The following RASGRF1 variants were observed in gnomAD, a reference collection of about 807,000 sequenced individuals.
RASGRF1 encodes Ras protein specific guanine nucleotide releasing factor 1.
RASGRF1 carries 40 observed loss-of-function variants against 138.7 expected under a neutral mutation model. That is an observed-to-expected ratio of 0.29 (90% CI 0.22 to 0.38). RASGRF1 has a LOEUF of 0.38. RASGRF1 is among the 10% of genes least tolerant of loss of function. RASGRF1 has a pLI of 1.00. For missense variants in RASGRF1, 1,108 were observed against 1,650.4 expected, an observed-to-expected ratio of 0.67 and a Z score of 5.69; for synonymous variants, 614 against 663.2, an observed-to-expected ratio of 0.93 and a Z score of 1.14.
chr15:79,014,497 C>A (rs1435522489), intron 13 of RASGRF1, among the ~76,000 whole-genome samples: 3 of 152,160 alleles, frequency 2.0e-5, no homozygotes, highest in African/African-American at 7.2e-5. Context: ...GGATGGAAAA[C>A]CAAACATTGT....
At chr15:78,976,551 C>T (rs529008429) in intron 24 of RASGRF1, among the ~76,000 whole-genome samples, 1 of 148,884 alleles carries the variant, frequency 6.7e-6, no homozygotes, top group African/African-American at 2.6e-5. Flanking sequence ...CAAGAGAACA[C>T]TCAATCAAAC....
intron 16 of RASGRF1, 89 bp from the exon 17 acceptor site, chr15:79,000,002 C>A (rs897848431): frequency 9.3e-6 from 13 of 1,396,326 alleles, no homozygotes; most frequent in Non-Finnish European, 1.3e-5. Context: ...GCTAGAGCAG[C>A]CTTAAGAGCC....
At chr15:79,052,708 A>G (rs144177025) in intron 3 of RASGRF1, among the ~76,000 whole-genome samples, 130 of 152,350 alleles carry the variant, frequency 8.5e-4, no homozygotes, top group African/African-American at 3.1e-3. Flanking sequence ...CAGGAGTCCA[A>G]CAGTTGGTAT....
chr15:78,988,562 TG>T (rs1346103630), intron 22 of RASGRF1, among the ~76,000 whole-genome samples: 1 of 152,206 alleles, frequency 6.6e-6, no homozygotes, highest in Non-Finnish European at 1.5e-5. Flanking sequence ...GGGTCTTTCT[TG>T]TTTCTTCTAG....
intron 4 of RASGRF1, among the ~76,000 whole-genome samples, chr15:79,047,879 G>T (rs537579390): frequency 1.3e-5 from 2 of 152,154 alleles, no homozygotes; most frequent in Admixed American, 1.3e-4. Flanking sequence ...TGAAAGGACC[G>T]CTGTCTCCAA....
chr15:79,037,741 G>A (rs556062489), intron 5 of RASGRF1, among the ~76,000 whole-genome samples: 1 of 152,134 alleles, frequency 6.6e-6, no homozygotes, highest in South Asian at 2.1e-4. Flanking sequence ...TTACAGGCGT[G>A]AGCCACCATG....
chr15:79,012,077 T>C (rs1478648116), intron 13 of RASGRF1, among the ~76,000 whole-genome samples: 3 of 152,146 alleles, frequency 2.0e-5, no homozygotes, highest in African/African-American at 7.2e-5. Flanking sequence ...ACTTAGCCTA[T>C]GAATCTGTTC....
chr15:79,046,773 T>C lies in RASGRF1; in HGVS notation c.851A>G (p.Asp284Gly). Residue 284 changes from aspartate to glycine, a missense_variant, in exon 5 of 27, where the codon GAC (aspartate) becomes GGC (glycine). Transcript: ENST00000558480. The surrounding 1 kb of genome is among the most constrained non-coding windows in gnomAD (Gnocchi z 5.3). ...GTTCAGGAAGATGCTGCTGACGTCG[T>C]CGTGTGTGATGGGAGGCTTCTTGGA... ...ASSKKPPITH[D>G]DVSSIFLNSE... 1 of 1,614,260 alleles carries C rather than the reference T, an allele frequency of 6.2e-7. No individual in the cohort carries two copies. Among genetic ancestry groups the C allele is most frequent in the Non-Finnish European group, 8.5e-7 (1 of 1,180,040 alleles).
intron 11 of RASGRF1, 65 bp downstream of exon 11, chr15:79,019,976 T>G: frequency 6.3e-7 from 1 of 1,585,838 alleles, no homozygotes; most frequent in Non-Finnish European, 8.6e-7. Context: ...GGCCCAACCT[T>G]TAGGAGTGAG....
At chr15:79,061,412 A>AT (rs1431173080) in intron 2 of RASGRF1, among the ~76,000 whole-genome samples, 9,592 of 111,556 alleles carry the variant, frequency 0.086, 477 homozygotes, top group East Asian at 0.16. Context: ...ACTATCTTTA[A>AT]AATATATATA....
chr15:79,050,484 G>C lies in RASGRF1; in HGVS notation c.532-896C>G, dbSNP rs2057416466. Among the ~76,000 whole-genome samples the C allele has an allele frequency of 6.6e-6, 1 of 152,196 alleles. No homozygotes were observed. The highest frequency in any genetic ancestry group is 1.5e-5 in the Non-Finnish European group (1 of 68,042). The stretch of plus-strand genomic sequence containing the variant: ...GATAGAGCAGGTGGCTCCGGGTGAA[G>C]TCCTGCTGGCTTGGCGCTTTCCTTC... On this transcript the variant is annotated intron_variant, in intron 3 of 26. Coordinates refer to ENST00000558480, the MANE Select transcript of RASGRF1 (RefSeq NM_001145648.3). This position sits in a 1 kb window ranked among gnomAD's most constrained non-coding sequence, Gnocchi z 4.1.
chr15:78,979,191 T>C (rs2055959775), intron 24 of RASGRF1: 1 of 1,278,890 alleles, frequency 7.8e-7, no homozygotes, highest in African/African-American at 1.5e-5. Context: ...ACAGCACAGA[T>C]GGGTGCAACA....
chr15:78,998,682 G>A lies in RASGRF1; in HGVS notation c.2853+37C>T, dbSNP rs1233335277. Reference sequence around the variant, plus strand: ...TGGTTCCTGGGGCCATTGCCTGGTGGTCCCCAGCAGCCTGCCCAGGGAGGG... The same window carrying A: ...TGGTTCCTGGGGCCATTGCCTGGTGATCCCCAGCAGCCTGCCCAGGGAGGG... On this transcript the variant is annotated intron_variant, in intron 18 of 26. Coordinates refer to ENST00000558480, the MANE Select transcript of RASGRF1 (RefSeq NM_001145648.3). 1.9e-6 allele frequency: 3 copies of A among 1,541,540 alleles called. No homozygotes were observed. The African/African-American group carries it at 4.1e-5, about 21-fold the overall frequency.
chr15:79,075,376 G>A (rs1240461823), intron 1 of RASGRF1, among the ~76,000 whole-genome samples: 5 of 152,088 alleles, frequency 3.3e-5, no homozygotes, highest in Admixed American at 6.5e-5. Context: ...CTGAGCTCCA[G>A]CGCATACCTG....
intron 13 of RASGRF1, among the ~76,000 whole-genome samples, chr15:79,007,568 T>C (rs1408693571): frequency 7.9e-5 from 10 of 126,248 alleles, no homozygotes; most frequent in Non-Finnish European, 1.4e-4. Flanking sequence ...TTTTTTTTAA[T>C]GAGATAAGGT....
At chr15:79,056,896 T>G (rs1161441745) in intron 3 of RASGRF1, among the ~76,000 whole-genome samples, 2 of 152,120 alleles carry the variant, frequency 1.3e-5, no homozygotes, top group Non-Finnish European at 2.9e-5. Context: ...CTTAAGATAG[T>G]TTTCTCTTTG....
intron 1 of RASGRF1, among the ~76,000 whole-genome samples, chr15:79,070,151 A>G (rs2057735810): frequency 6.6e-6 from 1 of 152,178 alleles, no homozygotes; most frequent in Admixed American, 6.5e-5. Context: ...ATTTGGTTCC[A>G]CAGGTGTGAG....
Position 79,027,789 on chromosome 15 carries a change from C to T in RASGRF1, c.1333G>A (p.Glu445Lys), listed in dbSNP as rs1453359652. The stretch of plus-strand genomic sequence containing the variant: ...GTGTCCAGGAGGATCTCACAGCCTT[C>T]GATGATCATGCGCTCGATGGCCAGG... ...KNLAIERMII[E>K]GCEILLDTSQ... Residue 445 changes from glutamate (E) to lysine (K), a missense_variant, in exon 9 of 27, where the codon GAA becomes AAA. Glu to Lys is a moderately conservative substitution (Grantham distance 56). Coordinates refer to ENST00000558480, the MANE Select transcript of RASGRF1 (RefSeq NM_001145648.3). The surrounding 1 kb of genome is among the most constrained non-coding windows in gnomAD (Gnocchi z 4.8). 8.7e-6 allele frequency: 14 copies of T among 1,614,088 alleles called. No individual in the cohort carries two copies. The highest frequency in any genetic ancestry group is 4.0e-5 in the African/African-American group (3 of 74,918).
chr15:79,045,830 G>A (rs1002874627), intron 5 of RASGRF1, among the ~76,000 whole-genome samples: 10 of 152,248 alleles, frequency 6.6e-5, no homozygotes, highest in Admixed American at 3.9e-4. Context: ...AAATATTCAT[G>A]CAGAGGGCTT....
Sources: gnomAD v4.1 joint callset for allele counts (sites outside exome capture counted in the v4.1 genomes callset) on GRCh38, gnomAD v4.1.1 for gene constraint, Gnocchi (gnomAD v3.1) non-coding constraint, MANE v1.5 for transcripts, NCBI Gene and HGNC (gene_info 2026-07-23, HGNC 2026-07-21) for gene names.